The following SRGAP3 variants were observed in gnomAD, a reference collection of about 807,000 sequenced individuals.
The protein encoded by SRGAP3 is SLIT-ROBO Rho GTPase activating protein 3.
In SRGAP3, 39 loss-of-function variants were observed where a neutral mutation model predicts 121.1. The observed-to-expected ratio is 0.32, with a 90% CI of 0.25 to 0.42. The LOEUF (loss-of-function observed/expected upper bound fraction) is 0.42. SRGAP3 is among the 10% of genes least tolerant of loss of function. SRGAP3 has a pLI of 1.00. For synonymous variants in SRGAP3, 601 were observed against 570.0 expected (o/e 1.05, Z -0.77); for missense variants, 1,213 against 1,470.6 (o/e 0.82, Z 2.86).
intron 1 of SRGAP3, among the ~76,000 whole-genome samples, chr3:9,156,445 T>C (rs906271115): frequency 1.6e-4 from 25 of 152,194 alleles, no homozygotes; most frequent in Non-Finnish European, 2.6e-4. Flanking sequence ...ATTGGGGACA[T>C]TGCAGGTCTT....
rs562960279 is a variant in SRGAP3 at position 9,079,948 on chromosome 3, G to T, written c.486+77C>A. The T allele has an allele frequency of 1.4e-5, 21 of 1,540,360 alleles. No homozygotes were observed. In the East Asian group the frequency reaches 4.7e-4, roughly 35 times the overall value. ...AGGCCTGGGGTCATTCCAGACCTCT[G>T]TTTTGCTTCCCTCCAGCTCTGGTGA... On this transcript the variant is annotated intron_variant, in intron 4 of 21. Transcript: ENST00000383836.
Position 9,249,182 on chromosome 3 carries a change from C to T in SRGAP3, c.-231G>A, listed in dbSNP as rs1953928863. 1.7e-6 allele frequency: 1 copy of T among 587,442 alleles called. No individual in the cohort carries two copies. Among genetic ancestry groups the T allele is most frequent in the Non-Finnish European group, 3.0e-6 (1 of 329,828 alleles). The allele number at this position is 587,442 out of a possible 1,614,324, so 36.4% of individuals were successfully genotyped here. A position where few individuals can be genotyped will look rare whatever the true frequency, so the allele number is the denominator to read the frequency against. ...TAGTAGCTTGCCCTGGTCAGCTCCT[C>T]TTGCAAAAGAAGAATCACCCTAGGA... On this transcript the variant is annotated 5_prime_UTR_variant, in exon 1 of 22. Coordinates refer to ENST00000383836, the MANE Select transcript of SRGAP3 (RefSeq NM_014850.4).
intron 3 of SRGAP3, among the ~76,000 whole-genome samples, chr3:9,096,741 C>T (rs752877880): frequency 1.3e-5 from 2 of 151,272 alleles, no homozygotes; most frequent in Non-Finnish European, 2.9e-5. Flanking sequence ...TGAGTGGTTC[C>T]TGAGCATATT....
chr3:9,238,862 G>A (rs1953517939), intron 1 of SRGAP3, among the ~76,000 whole-genome samples: 1 of 152,156 alleles, frequency 6.6e-6, no homozygotes, highest in Non-Finnish European at 1.5e-5. Context: ...ACCAAGGAGA[G>A]GGGGACACAT....
intron 14 of SRGAP3, 197 bp from the exon 15 acceptor site, chr3:9,015,928 T>C (rs151247155): frequency 5.0e-5 from 31 of 617,854 alleles, no homozygotes; most frequent in African/African-American, 4.4e-4. Flanking sequence ...TTTAAATCTA[T>C]AGAAAAGTTG....
intron 1 of SRGAP3, among the ~76,000 whole-genome samples, chr3:9,153,893 G>A (rs1358571564): frequency 6.6e-6 from 1 of 152,096 alleles, no homozygotes; most frequent in African/African-American, 2.4e-5. Flanking sequence ...CCTGTAAGAT[G>A]GGATCTGCCT....
intron 3 of SRGAP3, among the ~76,000 whole-genome samples, chr3:9,103,664 T>C (rs1428004265): frequency 6.6e-6 from 1 of 152,186 alleles, no homozygotes; most frequent in Non-Finnish European, 1.5e-5. Context: ...TCCTGGGAAG[T>C]AGCTGATCTT....
At chr3:9,016,517 C>T (rs891529910) in intron 14 of SRGAP3, among the ~76,000 whole-genome samples, 2 of 152,174 alleles carry the variant, frequency 1.3e-5, no homozygotes, top group Non-Finnish European at 2.9e-5. Context: ...AAGGCACGTA[C>T]GTCAGGCTGT....
intron 1 of SRGAP3, among the ~76,000 whole-genome samples, chr3:9,194,826 G>A (rs1951870003): frequency 6.6e-6 from 1 of 152,212 alleles, no homozygotes; most frequent in South Asian, 2.1e-4. Flanking sequence ...AGAACACTGT[G>A]CCCTGTCCAG....
At position 9,047,438 on chromosome 3, in the gene SRGAP3, G is replaced by A. The variant is rs1945343972; in HGVS notation, c.1361C>T (p.Thr454Ile). The A allele has an allele frequency of 1.2e-6, 2 of 1,614,192 alleles. No homozygotes were observed. Among genetic ancestry groups the A allele is most frequent in the Non-Finnish European group, 1.7e-6 (2 of 1,180,042 alleles). The change falls in exon 10 of 22, where the codon ACC (threonine) becomes ATC (isoleucine). Residue 454 changes from threonine to isoleucine, a missense_variant. Around this residue, in one of 2 missense-constraint regions of SRGAP3, gnomAD observed 793 missense variants for 1,032.9 expected, o/e 0.77. Coordinates refer to ENST00000383836, the MANE Select transcript of SRGAP3 (RefSeq NM_014850.4). ...KEYVNGSNLI[T>I]KLQAKHDLLK... ...TAAATCGTGCTTGGCCTGCAGCTTG[G>A]TGATGAGGTTACTGCCATTCACATA...
At chr3:9,063,449 T>C (rs1390876944) in intron 5 of SRGAP3, among the ~76,000 whole-genome samples, 2 of 151,810 alleles carry the variant, frequency 1.3e-5, no homozygotes, top group East Asian at 3.9e-4. Context: ...TTTCATGTAC[T>C]TATTGGCCAC....
At chr3:9,089,079 T>TCA (rs1947626712) in intron 3 of SRGAP3, among the ~76,000 whole-genome samples, 1 of 152,054 alleles carries the variant, frequency 6.6e-6, no homozygotes, top group South Asian at 2.1e-4. Flanking sequence ...CTACCCAGTA[T>TCA]ATACCAGCCT....
intron 2 of SRGAP3, among the ~76,000 whole-genome samples, chr3:9,328,322 G>A (rs907971270): frequency 3.9e-5 from 6 of 152,154 alleles, no homozygotes; most frequent in African/African-American, 7.2e-5. Flanking sequence ...GTAGTTGTAC[G>A]ATTTTTCATT....
At chr3:9,042,758 T>C (rs980590984) in intron 10 of SRGAP3, among the ~76,000 whole-genome samples, 4 of 152,206 alleles carry the variant, frequency 2.6e-5, no homozygotes, top group Admixed American at 6.5e-5. Flanking sequence ...TTAGAGCTGA[T>C]GGCAGCCCAT....
At chr3:9,081,379 C>T in intron 3 of SRGAP3, 1 of 435,534 alleles carries the variant, frequency 2.3e-6, no homozygotes, top group Non-Finnish European at 4.6e-6. Context: ...TCTAGCTTCT[C>T]ATTTCCACTG....
chr3:9,303,236 C>T (rs1299553963), intron 3 of SRGAP3, among the ~76,000 whole-genome samples: 1 of 152,024 alleles, frequency 6.6e-6, no homozygotes, highest in Non-Finnish European at 1.5e-5. Context: ...ACCAGCCTGG[C>T]CAACATGGTA....
intron 1 of SRGAP3, among the ~76,000 whole-genome samples, chr3:9,155,918 C>T (rs1195428899): frequency 2.0e-5 from 3 of 152,214 alleles, no homozygotes; most frequent in African/African-American, 7.2e-5. Context: ...CGGGTTCACG[C>T]CATTCTCCTG....
At chr3:9,059,565 A>T (rs1028593570) in intron 6 of SRGAP3, 3 of 158,784 alleles carry the variant, frequency 1.9e-5, no homozygotes, top group Non-Finnish European at 4.2e-5. Context: ...GAAGGAGGAC[A>T]TGAGAGAAAC....
At chr3:9,091,254 C>T (rs1947744841) in intron 3 of SRGAP3, among the ~76,000 whole-genome samples, 1 of 152,000 alleles carries the variant, frequency 6.6e-6, no homozygotes. Flanking sequence ...GTCAGCCAGC[C>T]CCCTGTCTCT....
Sources: gnomAD v4.1 joint callset for allele counts (sites outside exome capture counted in the v4.1 genomes callset) on GRCh38, gnomAD v4.1.1 for gene constraint, gnomAD v4.1.1 regional missense constraint, MANE v1.5 for transcripts, NCBI Gene and HGNC (gene_info 2026-07-23, HGNC 2026-07-21) for gene names.